SCN1A: variants seen among roughly 807,000 people sequenced by gnomAD.
The protein encoded by SCN1A is sodium voltage-gated channel alpha subunit 1.
Under a neutral mutation model 193.7 loss-of-function variants are expected in SCN1A, and 13 were observed. That is an observed-to-expected ratio of 0.07 (90% confidence interval 0.04 to 0.11). The LOEUF (loss-of-function observed/expected upper bound fraction) is 0.11. Among genes scored for constraint, SCN1A ranks in the 10% least tolerant of loss-of-function variants. The pLI is 1.00. For synonymous variants in SCN1A, 781 were observed against 843.6 expected (o/e 0.93, Z 1.29); for missense variants, 1,432 against 2,451.1 (o/e 0.58, Z 8.78).
At chr2:166,083,858 A>T (rs183153535) in intron 2 of SCN1A, among the ~76,000 whole-genome samples, 1 of 152,336 alleles carries the variant, frequency 6.6e-6, no homozygotes, top group Non-Finnish European at 1.5e-5. Flanking sequence ...AAATTATTTA[A>T]GTTAACCTCT....
chr2:166,103,073 A>ATATATG (rs1194707249), intron 2 of SCN1A, among the ~76,000 whole-genome samples: 1 of 151,898 alleles, frequency 6.6e-6, no homozygotes, highest in Non-Finnish European at 1.5e-5. Context: ...TGGGAGATAT[A>ATATATG]TATATATATA....
In SCN1A at chr2:166,073,646, A is replaced by G; in HGVS notation, c.-25T>C. The G allele has an allele frequency of 6.2e-7, 1 of 1,613,488 alleles. No individual in the cohort carries two copies. Among genetic ancestry groups the G allele is most frequent in the Non-Finnish European group, 8.5e-7 (1 of 1,179,518 alleles). On this transcript the variant is annotated 5_prime_UTR_variant, in exon 4 of 29. The change abolishes the stop of an existing upstream ORF in the 5' untranslated region. Coordinates refer to ENST00000674923, the MANE Select transcript of SCN1A (RefSeq NM_001165963.4). ...TCTTGTCATCCTGCACATTTTAATT[A>G]CCATTTATTCTGCATATGAAATTCC...
chr2:166,143,338 T>C (rs1368356796), intron 1 of SCN1A, among the ~76,000 whole-genome samples: 1 of 151,962 alleles, frequency 6.6e-6, no homozygotes, highest in African/African-American at 2.4e-5. Flanking sequence ...GGCTAATTTT[T>C]TGTATTTTTA....
chr2:166,095,645 CTGT>C (rs1687294291), intron 2 of SCN1A, among the ~76,000 whole-genome samples: 2 of 152,160 alleles, frequency 1.3e-5, no homozygotes, highest in African/African-American at 2.4e-5. Flanking sequence ...CTCTGCCATC[CTGT>C]TATTTGTATA....
intron 6 of SCN1A, among the ~76,000 whole-genome samples, chr2:166,055,846 T>A (rs571676132): frequency 6.6e-6 from 1 of 152,132 alleles, no homozygotes; most frequent in Non-Finnish European, 1.5e-5. Flanking sequence ...CTGAAAGCTC[T>A]ACAAAAAGTT....
At chr2:166,131,008 A>G (rs1649449671), upstream of SCN1A, among the ~76,000 whole-genome samples, 1 of 152,130 alleles carries the variant, frequency 6.6e-6, no homozygotes, top group African/African-American at 2.4e-5. Flanking sequence ...AGTTTTATAT[A>G]TGTATCTTAT....
In SCN1A at chr2:166,009,714, C is replaced by G; in HGVS notation, c.4002+5G>C. Reference sequence around the variant, plus strand: ...CAATACTTCAGGTTCTTTCATTTTTCTTACCCTCATCCCTTCAAATCGAGA... The same window carrying G: ...CAATACTTCAGGTTCTTTCATTTTTGTTACCCTCATCCCTTCAAATCGAGA... On this transcript the variant is annotated splice_donor_5th_base_variant and intron_variant, in intron 23 of 28. Transcript: ENST00000674923. 6.2e-7 allele frequency: 1 copy of G among 1,602,020 alleles called. No individual in the cohort carries two copies.
intron 19 of SCN1A, among the ~76,000 whole-genome samples, chr2:166,025,982 A>G (rs951017565): frequency 6.6e-6 from 1 of 152,102 alleles, no homozygotes; most frequent in African/African-American, 2.4e-5. Flanking sequence ...TTAATTTTCA[A>G]ATGGTTGGAA....
intron 2 of SCN1A, among the ~76,000 whole-genome samples, chr2:166,107,211 G>A (rs1314670380): frequency 6.6e-6 from 1 of 152,098 alleles, no homozygotes; most frequent in Non-Finnish European, 1.5e-5. Context: ...GCATTTATCT[G>A]CAACTCTGGT....
At chr2:166,037,384 CT>C (rs1696526806) in intron 18 of SCN1A, among the ~76,000 whole-genome samples, 1 of 152,220 alleles carries the variant, frequency 6.6e-6, no homozygotes, top group Admixed American at 6.5e-5. Context: ...TTTCTCTCTA[CT>C]TTTTTTAGAC....
intron 1 of SCN1A, among the ~76,000 whole-genome samples, chr2:166,133,264 G>A (rs1181608653): frequency 6.6e-6 from 1 of 152,150 alleles, no homozygotes; most frequent in East Asian, 1.9e-4. Context: ...CCAGAATTAT[G>A]TCTGCAGGTG....
intron 4 of SCN1A, among the ~76,000 whole-genome samples, chr2:166,073,022 C>T (rs1684614114): frequency 6.6e-6 from 1 of 151,714 alleles, no homozygotes; most frequent in Non-Finnish European, 1.5e-5. Context: ...TGTATTTTAG[C>T]AGAGAAGGGG....
chr2:166,018,232 A>G (rs1400875372), intron 19 of SCN1A, among the ~76,000 whole-genome samples: 2 of 152,012 alleles, frequency 1.3e-5, no homozygotes, highest in Non-Finnish European at 2.9e-5. Context: ...ACTACTTTTA[A>G]TGATACCTCT....
At chr2:166,032,972 T>C (rs539684024) in intron 19 of SCN1A, among the ~76,000 whole-genome samples, 16 of 152,210 alleles carry the variant, frequency 1.1e-4, no homozygotes, top group African/African-American at 3.9e-4. Context: ...TTCAGAATGG[T>C]TTTATTAAGA....
At chr2:166,103,226 G>GA (rs1688314967) in intron 2 of SCN1A, among the ~76,000 whole-genome samples, 1 of 152,122 alleles carries the variant, frequency 6.6e-6, no homozygotes, top group Admixed American at 6.5e-5. Context: ...CAAGGAGGGC[G>GA]GATCACCTGA....
intron 2 of SCN1A, among the ~76,000 whole-genome samples, chr2:166,108,005 C>A (rs1385204521): frequency 6.6e-6 from 1 of 151,840 alleles, no homozygotes; most frequent in African/African-American, 2.4e-5. Flanking sequence ...AAAATGAAGA[C>A]AACCCACAGA....
At chr2:166,005,999 T>A (rs866235084) in intron 23 of SCN1A, among the ~76,000 whole-genome samples, 3 of 151,436 alleles carry the variant, frequency 2.0e-5, no homozygotes, top group African/African-American at 7.2e-5. Flanking sequence ...CCTGCATTTT[T>A]AAAAATAAGT....
rs985357846 is a variant in SCN1A, at chr2:166,024,068, G to A, written c.3430-8341C>T. The stretch of plus-strand genomic sequence containing the variant: ...CTGGGATTACAGTGTGAGACACCGC[G>A]CCTGGCCAAAAATTTTTTTAAATAG... On this transcript the variant is annotated intron_variant, in intron 19 of 28. Coordinates refer to ENST00000674923, the MANE Select transcript of SCN1A (RefSeq NM_001165963.4). 5.3e-5 allele frequency among the ~76,000 whole-genome samples: 8 copies of A among 152,028 alleles called. No homozygotes were observed. The East Asian group carries it at 7.8e-4, about 15-fold the overall frequency.
intron 3 of SCN1A, 167 bp from the exon 4 acceptor site, chr2:166,073,837 G>A (rs1057271496): frequency 1.7e-6 from 1 of 586,268 alleles, no homozygotes; most frequent in Non-Finnish European, 3.0e-6. Flanking sequence ...TCTGTGTTGA[G>A]TTTAGTTAAG....
Sources: gnomAD v4.1 joint callset for allele counts (sites outside exome capture counted in the v4.1 genomes callset) on GRCh38, gnomAD v4.1.1 for gene constraint, MANE v1.5 for transcripts, NCBI Gene and HGNC (gene_info 2026-07-23, HGNC 2026-07-21) for gene names.